CCDC150: variants seen among roughly 807,000 people sequenced by gnomAD.
The protein encoded by CCDC150 is coiled-coil domain-containing protein 150.
A neutral mutation model predicts 156.5 loss-of-function variants in CCDC150; 151 were observed. The ratio of observed to expected loss-of-function variants is 0.97; its 90% CI spans 0.85 to 1.10. The LOEUF (loss-of-function observed/expected upper bound fraction) is 1.10, where lower values mean the gene tolerates loss of function less well. Among genes scored for constraint, CCDC150 ranks in the 50% least tolerant of loss-of-function variants. The pLI, the probability that CCDC150 is intolerant of heterozygous loss-of-function variation, is 0.00. For missense variants in CCDC150, 1,312 were observed against 1,268.1 expected, an observed-to-expected ratio of 1.03 and a Z score of -0.53; for synonymous variants, 452 against 429.4, an observed-to-expected ratio of 1.05 and a Z score of -0.65.
At chr2:196,643,203 C>T (rs1692340854) in intron 1 of CCDC150, among the ~76,000 whole-genome samples, 1 of 152,208 alleles carries the variant, frequency 6.6e-6, no homozygotes, top group African/African-American at 2.4e-5. Flanking sequence ...GCCCTGCCAA[C>T]CATCAATCAG....
At chr2:196,717,044 A>G (rs565028502) in intron 17 of CCDC150, among the ~76,000 whole-genome samples, 2 of 150,978 alleles carry the variant, frequency 1.3e-5, no homozygotes, top group South Asian at 4.2e-4. Context: ...TTTTATTTTT[A>G]TTTTTATTTT....
intron 15 of CCDC150, among the ~76,000 whole-genome samples, chr2:196,707,641 G>A (rs1186157418): frequency 1.3e-5 from 2 of 152,108 alleles, no homozygotes; most frequent in East Asian, 1.9e-4. Context: ...TCTCTTGTGG[G>A]TATTTAGTGC....
At chr2:196,728,012 A>AC (rs1491328496) in intron 22 of CCDC150, 1 of 11,800 alleles carries the variant, frequency 8.5e-5, no homozygotes, top group East Asian at 8.5e-3. Context: ...ACTCTGTCTC[A>AC]AAAAAAAAAA....
intron 19 of CCDC150, among the ~76,000 whole-genome samples, chr2:196,719,953 A>C (rs1025151789): frequency 6.6e-6 from 1 of 152,184 alleles, no homozygotes; most frequent in Non-Finnish European, 1.5e-5. Context: ...TTTCTGCACC[A>C]TGTAAACCTA....
At chr2:196,699,890 T>C (rs1202834250) in intron 14 of CCDC150, among the ~76,000 whole-genome samples, 1 of 152,180 alleles carries the variant, frequency 6.6e-6, no homozygotes, top group Non-Finnish European at 1.5e-5. Context: ...TAATCTAGTT[T>C]GGAATGTGTT....
chr2:196,665,257 T>A (rs1172883913), intron 5 of CCDC150, among the ~76,000 whole-genome samples: 1 of 152,182 alleles, frequency 6.6e-6, no homozygotes, highest in African/African-American at 2.4e-5. Context: ...CACTCTGATA[T>A]TTTCTTTCTA....
intron 21 of CCDC150, among the ~76,000 whole-genome samples, chr2:196,723,458 G>A (rs1040273323): frequency 6.6e-6 from 1 of 151,972 alleles, no homozygotes; most frequent in African/African-American, 2.4e-5. Flanking sequence ...AGTGAGATCA[G>A]GCCACTGCAC....
intron 13 of CCDC150, among the ~76,000 whole-genome samples, chr2:196,694,630 G>A (rs1164617808): frequency 6.6e-6 from 1 of 152,170 alleles, no homozygotes; most frequent in African/African-American, 2.4e-5. Context: ...TTGTGGGGCT[G>A]AGGCGGGCAG....
rs545767356 is a variant in CCDC150 at position 196,681,315 on chromosome 2, T to C, written c.1509+3954T>C. ...TCATTTTATGGCTGAGTAATGGTGA[T>C]TGTATGTATGTATGTGCACGCACAC... On this transcript the variant is annotated intron_variant, in intron 13 of 27. Transcript: ENST00000389175. Among the ~76,000 whole-genome samples, 10 of 152,314 alleles carry C rather than the reference T, an allele frequency of 6.6e-5. No individual in the cohort carries two copies. The East Asian group carries it at 1.9e-3, about 29-fold the overall frequency.
Position 196,639,755 on chromosome 2 carries a change from T to C in CCDC150, c.-12T>C, listed in dbSNP as rs879125143. ...CGCTCGCCTGCTGCAGTACGGAGCCTCAGGCGGACAGATGGACTGTAAGGT... is the reference window on the plus strand; with the variant it reads ...CGCTCGCCTGCTGCAGTACGGAGCCCCAGGCGGACAGATGGACTGTAAGGT... On this transcript the variant is annotated 5_prime_UTR_variant, in exon 1 of 28. Coordinates refer to ENST00000389175, the MANE Select transcript of CCDC150 (RefSeq NM_001080539.2). 1.9e-6 allele frequency: 3 copies of C among 1,570,332 alleles called. No individual in the cohort carries two copies. The highest frequency in any genetic ancestry group is 2.4e-5 in the South Asian group (2 of 84,858).
intron 12 of CCDC150, chr2:196,677,044 A>G: frequency 2.9e-6 from 2 of 682,684 alleles, no homozygotes; most frequent in South Asian, 1.5e-5. Flanking sequence ...GTTAAGGGGG[A>G]ACAGCCCTGT....
chr2:196,712,293 C>A, intron 16 of CCDC150, 41 bp downstream of exon 16: 1 of 1,115,708 alleles, frequency 9.0e-7, no homozygotes, highest in Non-Finnish European at 1.3e-6. Context: ...TGCTATATTT[C>A]GTTTTTAAGA....
chr2:196,705,569 G>C (rs1696566016), intron 15 of CCDC150, among the ~76,000 whole-genome samples: 1 of 152,152 alleles, frequency 6.6e-6, no homozygotes, highest in Non-Finnish European at 1.5e-5. Context: ...GATCCCATTT[G>C]TCAATTTTGG....
chr2:196,721,739 A>G, intron 21 of CCDC150, 48 bp downstream of exon 21: 1 of 1,434,608 alleles, frequency 7.0e-7, no homozygotes, highest in Non-Finnish European at 9.4e-7. Flanking sequence ...CCTCTGGAGG[A>G]GTAAGTCACA....
chr2:196,660,595 A>G (rs1038063213), intron 5 of CCDC150, among the ~76,000 whole-genome samples: 6 of 152,154 alleles, frequency 3.9e-5, no homozygotes, highest in Non-Finnish European at 8.8e-5. Flanking sequence ...TTTATTTGCC[A>G]TCTGTATATC....
intron 15 of CCDC150, among the ~76,000 whole-genome samples, chr2:196,702,327 T>G (rs961614908): frequency 2.1e-5 from 3 of 143,190 alleles, no homozygotes; most frequent in Admixed American, 7.3e-5. Context: ...CAGGGGATAG[T>G]TCCTTGACTG....
At chr2:196,695,482 A>G (rs1481352902) in intron 14 of CCDC150, among the ~76,000 whole-genome samples, 2 of 152,176 alleles carry the variant, frequency 1.3e-5, no homozygotes, top group Non-Finnish European at 2.9e-5. Context: ...GCAATCAGTA[A>G]TAAGTCTGAT....
chr2:196,663,109 C>T (rs1693646137), intron 5 of CCDC150, among the ~76,000 whole-genome samples: 1 of 150,222 alleles, frequency 6.7e-6, no homozygotes, highest in Admixed American at 6.6e-5. Flanking sequence ...CATGGTGGCA[C>T]ACTCCTTTAG....
At chr2:196,691,724 C>T (rs971510059) in intron 13 of CCDC150, among the ~76,000 whole-genome samples, 2 of 151,920 alleles carry the variant, frequency 1.3e-5, no homozygotes, top group Non-Finnish European at 2.9e-5. Context: ...AGGTGGATCA[C>T]GAGGTCAGGA....
Sources: allele counts gnomAD v4.1 joint callset (sites outside exome capture counted in the v4.1 genomes callset), GRCh38; gene constraint gnomAD v4.1.1; transcripts MANE v1.5; gene names NCBI Gene and HGNC (gene_info 2026-07-23, HGNC 2026-07-21).